Variants in ZC3H12B observed in about 807,000 individuals in gnomAD.
The protein encoded by ZC3H12B is zinc finger CCCH-type containing 12B.
A neutral mutation model predicts 43.9 loss-of-function variants in ZC3H12B; 7 were observed. That is an observed-to-expected ratio of 0.16 (90% CI 0.09 to 0.30). The LOEUF (loss-of-function observed/expected upper bound fraction) is 0.30. ZC3H12B is among the 10% of genes least tolerant of loss of function. The probability of loss-of-function intolerance (pLI) is 1.00; values close to 1 mark genes in which losing one functional copy is unlikely to be tolerated. For missense variants in ZC3H12B, 475 were observed against 670.2 expected (o/e 0.71, Z 3.22); for synonymous variants, 222 against 241.7 (o/e 0.92, Z 0.76).
chrX:65,375,792 T>A, intron 2 of ZC3H12B, among the ~76,000 whole-genome samples: 1 of 111,773 alleles, frequency 8.9e-6, no homozygotes, highest in Non-Finnish European at 1.9e-5. Context: ...CCCACAGCAA[T>A]GCCCAGGTAG....
chrX:65,073,755 TC>T, the ZC3H12B span, among the ~76,000 whole-genome samples: 1 of 111,849 alleles, frequency 8.9e-6, no homozygotes, highest in African/African-American at 3.3e-5. Context: ...CTACCAGAAT[TC>T]CAGAAGCCCA....
chrX:65,294,303 C>T, the ZC3H12B span, among the ~76,000 whole-genome samples: 1 of 111,552 alleles, frequency 9.0e-6, no homozygotes, highest in East Asian at 2.8e-4. Flanking sequence ...AAAACAAATG[C>T]TGAAAGAATT....
chrX:65,483,968 T>C (rs1456079996), upstream of ZC3H12B, among the ~76,000 whole-genome samples: 1 of 111,706 alleles, frequency 9.0e-6, no homozygotes, highest in Admixed American at 9.6e-5. Flanking sequence ...TTCCATGGTA[T>C]ATATGTACCA....
chrX:65,314,405 C>T, the ZC3H12B span, among the ~76,000 whole-genome samples: 24 of 110,437 alleles, frequency 2.2e-4, no homozygotes, highest in Non-Finnish European at 3.4e-4. Context: ...GAAGGCAGAC[C>T]GAGAAAAATG....
the ZC3H12B span, among the ~76,000 whole-genome samples, chrX:65,260,226 A>T: frequency 9.0e-6 from 1 of 111,212 alleles, no homozygotes; most frequent in Non-Finnish European, 1.9e-5. Flanking sequence ...TTGAAATAAA[A>T]AAATTTTTAA....
At chrX:65,323,272 G>A in the ZC3H12B span, among the ~76,000 whole-genome samples, 1 of 111,885 alleles carries the variant, frequency 8.9e-6, no homozygotes, top group African/African-American at 3.3e-5. Flanking sequence ...GTATAATGTT[G>A]TTGCCTTATC....
At chrX:65,253,504 C>A in the ZC3H12B span, among the ~76,000 whole-genome samples, 1 of 112,127 alleles carries the variant, frequency 8.9e-6, no homozygotes, top group African/African-American at 3.2e-5. Context: ...TGAAGCACAG[C>A]CAGGGGCTCC....
the ZC3H12B span, among the ~76,000 whole-genome samples, chrX:65,117,643 A>G: frequency 3.6e-5 from 4 of 111,838 alleles, no homozygotes; most frequent in Admixed American, 9.5e-5. Flanking sequence ...CCCCATGCCT[A>G]TGTCCTGAAT....
chrX:65,419,805 C>A (rs747012073), intron 3 of ZC3H12B, among the ~76,000 whole-genome samples: 1 of 111,264 alleles, frequency 9.0e-6, no homozygotes, highest in Non-Finnish European at 1.9e-5. Context: ...CAGGCCCGCA[C>A]TCATGGGCCT....
intron 3 of ZC3H12B, among the ~76,000 whole-genome samples, chrX:65,401,073 A>C (rs1265199730): frequency 2.0e-5 from 2 of 100,658 alleles, no homozygotes; most frequent in Admixed American, 1.0e-4. Flanking sequence ...TTTAATTACT[A>C]TCTACAGAGG....
At chrX:65,220,921 C>T in the ZC3H12B span, among the ~76,000 whole-genome samples, 6 of 111,770 alleles carry the variant, frequency 5.4e-5, no homozygotes, top group South Asian at 1.5e-3. Flanking sequence ...GCACATGGAA[C>T]ATTCTCCAAG....
chrX:65,347,836 C>A, the ZC3H12B span, among the ~76,000 whole-genome samples: 1 of 112,137 alleles, frequency 8.9e-6, no homozygotes, highest in African/African-American at 3.2e-5. Context: ...GGAACCAAGC[C>A]AAATGTCCAT....
intron 3 of ZC3H12B, among the ~76,000 whole-genome samples, chrX:65,444,308 T>A (rs1369499083): frequency 8.9e-6 from 1 of 112,262 alleles, no homozygotes; most frequent in East Asian, 2.8e-4. Flanking sequence ...CCCACCCAAA[T>A]CTCATCTTGA....
chrX:65,226,354 A>G, the ZC3H12B span, among the ~76,000 whole-genome samples: 2 of 111,483 alleles, frequency 1.8e-5, no homozygotes, highest in South Asian at 7.7e-4. Context: ...CCTGCCCTAA[A>G]AGAGCGCCTG....
intron 3 of ZC3H12B, among the ~76,000 whole-genome samples, chrX:65,468,732 T>G (rs1423928473): frequency 1.9e-5 from 2 of 104,533 alleles, no homozygotes; most frequent in Non-Finnish European, 3.9e-5. Flanking sequence ...ATGATCCGCC[T>G]GCCTCGGCCT....
At chrX:65,100,892 G>T in the ZC3H12B span, among the ~76,000 whole-genome samples, 1 of 111,473 alleles carries the variant, frequency 9.0e-6, no homozygotes, top group Non-Finnish European at 1.9e-5. Context: ...GGACTAAGCA[G>T]ACCTAGTAGA....
chrX:65,132,145 C>T, the ZC3H12B span, among the ~76,000 whole-genome samples: 78 of 110,716 alleles, frequency 7.0e-4, no homozygotes, highest in Non-Finnish European at 8.3e-4. Flanking sequence ...AGATCAAGAA[C>T]GGAATAGTGA....
the ZC3H12B span, among the ~76,000 whole-genome samples, chrX:65,159,491 A>G: frequency 1.3e-4 from 14 of 111,451 alleles, no homozygotes; most frequent in Non-Finnish European, 2.1e-4. Context: ...CATCCCTTGT[A>G]AGTTGGATTC....
intron 3 of ZC3H12B, among the ~76,000 whole-genome samples, chrX:65,476,476 C>A (rs757795738): frequency 9.0e-6 from 1 of 111,658 alleles, no homozygotes; most frequent in African/African-American, 3.3e-5. Flanking sequence ...AAGAAAGAGG[C>A]GTGCAGGCAT....
Sources: allele counts gnomAD v4.1 joint callset (sites outside exome capture counted in the v4.1 genomes callset), GRCh38; gene constraint gnomAD v4.1.1; transcripts MANE v1.5; gene names NCBI Gene and HGNC (gene_info 2026-07-23, HGNC 2026-07-21).